Variants in DPP6 observed in about 807,000 individuals in gnomAD.
The protein encoded by DPP6 is dipeptidyl peptidase like 6, also known as A-type potassium channel modulatory protein DPP6.
In DPP6, 69 loss-of-function variants were observed where a neutral mutation model predicts 122.6. The ratio of observed to expected loss-of-function variants is 0.56; its 90% CI spans 0.46 to 0.69. The LOEUF (loss-of-function observed/expected upper bound fraction) is 0.69, where lower values mean the gene tolerates loss of function less well. Ranked by LOEUF, DPP6 falls within the 30% of genes least tolerant of loss-of-function variation. The pLI, the probability that DPP6 is intolerant of heterozygous loss-of-function variation, is 0.00. For missense variants in DPP6, 928 were observed against 1,116.9 expected, an observed-to-expected ratio of 0.83 and a Z score of 2.41; for synonymous variants, 418 against 433.1, an observed-to-expected ratio of 0.97 and a Z score of 0.43.
At chr7:154,349,086 A>T (rs958919498) in intron 1 of DPP6, among the ~76,000 whole-genome samples, 1 of 152,352 alleles carries the variant, frequency 6.6e-6, no homozygotes. Flanking sequence ...GTGGAGGCAA[A>T]CATATGCCAT....
chr7:153,805,752 AC>A, the DPP6 span, among the ~76,000 whole-genome samples: 1 of 152,156 alleles, frequency 6.6e-6, no homozygotes, highest in Non-Finnish European at 1.5e-5. Context: ...TACCGCAAGG[AC>A]AAAAAACCAA....
chr7:154,173,999 G>A (rs1307415044), intron 1 of DPP6, among the ~76,000 whole-genome samples: 4 of 152,220 alleles, frequency 2.6e-5, no homozygotes, highest in African/African-American at 9.6e-5. Flanking sequence ...AGACATGGGT[G>A]TCTTGCTTAA....
intron 1 of DPP6, among the ~76,000 whole-genome samples, chr7:154,073,897 A>G (rs1193018150): frequency 6.6e-6 from 1 of 152,136 alleles, no homozygotes; most frequent in Non-Finnish European, 1.5e-5. Flanking sequence ...GAGGCAGGAG[A>G]ATTGCTTGAA....
intron 17 of DPP6, among the ~76,000 whole-genome samples, chr7:154,861,750 C>T (rs1314633869): frequency 6.6e-6 from 1 of 152,120 alleles, no homozygotes; most frequent in Admixed American, 6.5e-5. Flanking sequence ...GGTGGTTTTT[C>T]ACTCAGTTCA....
At chr7:154,534,558 C>CAA (rs1273384438) in intron 3 of DPP6, among the ~76,000 whole-genome samples, 2 of 151,112 alleles carry the variant, frequency 1.3e-5, no homozygotes, top group Non-Finnish European at 2.9e-5. Flanking sequence ...AATCAATAGA[C>CAA]AAAATTAACT....
chr7:154,707,704 G>C (rs1225439719), intron 7 of DPP6, among the ~76,000 whole-genome samples: 4 of 152,172 alleles, frequency 2.6e-5, no homozygotes. Context: ...CTAATAAAGA[G>C]ATACCTGAGA....
intron 1 of DPP6, among the ~76,000 whole-genome samples, chr7:154,361,335 C>T (rs1266794181): frequency 5.3e-5 from 8 of 152,126 alleles, no homozygotes; most frequent in Non-Finnish European, 8.8e-5. Context: ...CTCATTTTCT[C>T]GGAAAAGTCT....
At chr7:154,677,843 C>G (rs1839012335) in intron 7 of DPP6, among the ~76,000 whole-genome samples, 1 of 152,164 alleles carries the variant, frequency 6.6e-6, no homozygotes, top group Non-Finnish European at 1.5e-5. Context: ...GGTCCCAGGC[C>G]ACCTCCTCAG....
chr7:154,798,669 C>A (rs1197193761), intron 12 of DPP6, among the ~76,000 whole-genome samples: 2 of 152,188 alleles, frequency 1.3e-5, no homozygotes. Context: ...CCCATGGCAG[C>A]AGTTGGGAGG....
intron 4 of DPP6, among the ~76,000 whole-genome samples, chr7:154,546,616 A>C (rs114528470): frequency 0.017 from 2,634 of 152,258 alleles, 70 homozygotes; most frequent in African/African-American, 0.058. Flanking sequence ...CATCTAAATG[A>C]AATGTATTTT....
intron 5 of DPP6, among the ~76,000 whole-genome samples, chr7:154,626,839 C>T (rs1187882644): frequency 2.0e-5 from 3 of 152,044 alleles, no homozygotes; most frequent in African/African-American, 2.4e-5. Flanking sequence ...CAGTAAATTG[C>T]CTAGAGCAGT....
rs564293548 is a variant in DPP6 at position 153,888,547 on chromosome 7, G to A, written c.51+813G>A. On this transcript the variant is annotated intron_variant, in intron 1 of 25. Coordinates refer to the DPP6 transcript ENST00000404039. Reference sequence around the variant, plus strand: ...TCACGTTAGTCCGGGGCACGGGGCCGAGGGGTCAGGGCGCTGGAGTCTCTG... The same window carrying A: ...TCACGTTAGTCCGGGGCACGGGGCCAAGGGGTCAGGGCGCTGGAGTCTCTG... 4.5e-4 allele frequency among the ~76,000 whole-genome samples: 69 copies of A among 152,238 alleles called. 1 individual carries two copies. The highest frequency in any genetic ancestry group is 8.7e-4 in the Non-Finnish European group (59 of 68,044).
intron 17 of DPP6, among the ~76,000 whole-genome samples, chr7:154,857,018 G>A (rs1010485222): frequency 1.3e-5 from 2 of 152,018 alleles, no homozygotes; most frequent in Non-Finnish European, 2.9e-5. Flanking sequence ...TTTATTTTAC[G>A]AGCCTATTTA....
chr7:153,806,874 T>C, the DPP6 span, among the ~76,000 whole-genome samples: 1 of 151,844 alleles, frequency 6.6e-6, no homozygotes, highest in African/African-American at 2.4e-5. Flanking sequence ...GAGTTTCTTT[T>C]GAGTACAAAT....
Position 154,760,698 on chromosome 7 carries a change from G to A in DPP6, c.884-8719G>A, listed in dbSNP as rs1012534345. On this transcript the variant is annotated intron_variant, in intron 8 of 25. Coordinates refer to ENST00000377770, the MANE Select transcript of DPP6 (RefSeq NM_130797.4). The surrounding 1 kb of genome is among the most constrained non-coding windows in gnomAD (Gnocchi z 4.5). Reference sequence around the variant, plus strand: ...GGACCTGTTTGAGCGTGAGGCAGGTGAGCAGAAGACATCAGGCCCAGAAGT... The same window carrying A: ...GGACCTGTTTGAGCGTGAGGCAGGTAAGCAGAAGACATCAGGCCCAGAAGT... 2.6e-5 allele frequency among the ~76,000 whole-genome samples: 4 copies of A among 152,136 alleles called. No individual in the cohort carries two copies. Among genetic ancestry groups the A allele is most frequent in the African/African-American group, 4.8e-5 (2 of 41,422 alleles).
the DPP6 span, among the ~76,000 whole-genome samples, chr7:153,850,291 C>T: frequency 1.3e-5 from 2 of 152,072 alleles, no homozygotes; most frequent in East Asian, 3.9e-4. Context: ...GTGGCATTCA[C>T]TTCCTGGTGG....
intron 1 of DPP6, among the ~76,000 whole-genome samples, chr7:153,991,938 G>C (rs1797197113): frequency 6.6e-6 from 1 of 151,902 alleles, no homozygotes; most frequent in South Asian, 2.1e-4. Context: ...TTTTCTCTCA[G>C]TCCTGGGGTC....
At chr7:153,891,790 C>T (rs1799215745) in intron 1 of DPP6, among the ~76,000 whole-genome samples, 1 of 152,168 alleles carries the variant, frequency 6.6e-6, no homozygotes, top group African/African-American at 2.4e-5. Context: ...CTCCCCCTTC[C>T]TTGGTGTGTG....
intron 1 of DPP6, among the ~76,000 whole-genome samples, chr7:154,227,880 T>G (rs1383623236): frequency 6.6e-6 from 1 of 152,222 alleles, no homozygotes; most frequent in African/African-American, 2.4e-5. Flanking sequence ...TATGCCTGCC[T>G]TTTATCCTAT....
Sources: allele counts gnomAD v4.1 joint callset (sites outside exome capture counted in the v4.1 genomes callset), GRCh38; gene constraint gnomAD v4.1.1; non-coding constraint Gnocchi (gnomAD v3.1); transcripts MANE v1.5; gene names NCBI Gene and HGNC (gene_info 2026-07-23, HGNC 2026-07-21).